PCYOX1: variants seen among roughly 807,000 people sequenced by gnomAD.
The protein encoded by PCYOX1 is prenylcysteine oxidase 1.
In PCYOX1, 46 loss-of-function variants were observed where a neutral mutation model predicts 46.4. That is an observed-to-expected ratio of 0.99 (90% CI 0.78 to 1.27). PCYOX1 has a LOEUF of 1.27. Ranked by LOEUF, PCYOX1 falls within the 50% of genes most tolerant of loss-of-function variation. The probability of loss-of-function intolerance (pLI) is 0.00; values close to 1 mark genes in which losing one functional copy is unlikely to be tolerated. For synonymous variants in PCYOX1, 220 were observed against 231.8 expected (o/e 0.95, Z 0.46); for missense variants, 658 against 628.3 (o/e 1.05, Z -0.51).
Position 70,276,752 on chromosome 2 carries a change from A to G in PCYOX1, c.878A>G (p.Tyr293Cys), listed in dbSNP as rs759880515. The change falls in exon 6 of 6, where the codon TAT becomes TGT. Residue 293 changes from tyrosine to cysteine, a missense_variant. Tyr to Cys is a radical substitution (Grantham distance 194). Coordinates refer to ENST00000433351, the MANE Select transcript of PCYOX1 (RefSeq NM_016297.4). Reference sequence around the variant, plus strand: ...CCTCTAGGAAATCCAACAAAGATGTATGAAGTGGTCTACCAAATTGGAACT... The same window carrying G: ...CCTCTAGGAAATCCAACAAAGATGTGTGAAGTGGTCTACCAAATTGGAACT... The part of the protein sequence containing the change: ...TKYTGNPTKM[Y>C]EVVYQIGTET... 1 of 1,595,478 alleles carries G rather than the reference A, an allele frequency of 6.3e-7. No homozygotes were observed. The highest frequency in any genetic ancestry group is 2.2e-5 in the East Asian group (1 of 44,744).
rs1018539127 is a variant in PCYOX1 at position 70,271,725 on chromosome 2, A to G, written c.495-3234A>G. On this transcript the variant is annotated intron_variant, in intron 3 of 5. Coordinates refer to ENST00000433351, the MANE Select transcript of PCYOX1 (RefSeq NM_016297.4). ...TCCAATGTTTGTAATGTTTACTTCA[A>G]GTGAATCTAAAAAATTTCTAAATTT... is the stretch of plus-strand genomic sequence containing the variant. Among the ~76,000 whole-genome samples the G allele has an allele frequency of 2.6e-5, 4 of 152,278 alleles. No individual in the cohort carries two copies. In the South Asian group the frequency reaches 8.3e-4, roughly 32 times the overall value.
chr2:70,267,696 G>C (rs1171514590), intron 3 of PCYOX1, among the ~76,000 whole-genome samples: 1 of 152,072 alleles, frequency 6.6e-6, no homozygotes, highest in Admixed American at 6.5e-5. Context: ...GGCTGAAGCA[G>C]GAGAATCAGG....
chr2:70,277,521 G>T lies in PCYOX1; in HGVS notation c.*129G>T, dbSNP rs1573985150. On this transcript the variant is annotated 3_prime_UTR_variant, in exon 6 of 6. Coordinates refer to ENST00000433351, the MANE Select transcript of PCYOX1 (RefSeq NM_016297.4). The stretch of plus-strand genomic sequence containing the variant: ...TCATTGTTTAATAAAAGTAATCCCT[G>T]CTGGTCATAGGAAAACACACGGTTC... The T allele has an allele frequency of 1.6e-5, 12 of 732,924 alleles. No individual in the cohort carries two copies. The East Asian group carries it at 3.1e-4, about 19-fold the overall frequency. 45.4% of individuals were successfully genotyped at this position (732,924 alleles called of 1,614,324 possible). A position where few individuals can be genotyped will look rare whatever the true frequency, so the allele number is the denominator to read the frequency against.
chr2:70,279,186 C>T lies in PCYOX1; in HGVS notation c.*1794C>T, dbSNP rs1373398567. On this transcript the variant is annotated 3_prime_UTR_variant, in exon 6 of 6. Transcript: ENST00000433351. ...TAGCAAAATAGTGTAAACTTTGGTT[C>T]TGAGTAAAAATGACTTCTTCCCTAC... is the stretch of plus-strand genomic sequence containing the variant. 2.4e-5 allele frequency: 3 copies of T among 124,496 alleles called. No homozygotes were observed. Among genetic ancestry groups the T allele is most frequent in the Non-Finnish European group, 6.0e-5 (3 of 49,920 alleles). 7.7% of individuals were successfully genotyped at this position (124,496 alleles called of 1,614,324 possible). A position where few individuals can be genotyped will look rare whatever the true frequency, so the allele number is the denominator to read the frequency against.
At position 70,277,710 on chromosome 2, in the gene PCYOX1, C is replaced by A. The variant is rs1696707104; in HGVS notation, c.*318C>A. The A allele has an allele frequency of 4.7e-6, 1 of 214,292 alleles. No individual in the cohort carries two copies. Among genetic ancestry groups the A allele is most frequent in the Non-Finnish European group, 9.2e-6 (1 of 108,416 alleles). 13.3% of individuals were successfully genotyped at this position (214,292 alleles called of 1,614,324 possible). On this transcript the variant is annotated 3_prime_UTR_variant, in exon 6 of 6. Coordinates refer to ENST00000433351, the MANE Select transcript of PCYOX1 (RefSeq NM_016297.4). ...GTGAGCCAATCTCACCATTGCACTT[C>A]AGCCTGAGCAACACGAGCAAAACTC... is the stretch of plus-strand genomic sequence containing the variant.
At chr2:70,262,328 G>A (rs1175522352) in intron 3 of PCYOX1, among the ~76,000 whole-genome samples, 1 of 151,604 alleles carries the variant, frequency 6.6e-6, no homozygotes. Context: ...ACCACGCCCA[G>A]CTAATTTTTG....
intron 2 of PCYOX1, among the ~76,000 whole-genome samples, chr2:70,259,866 A>G (rs1376197641): frequency 6.6e-6 from 1 of 151,818 alleles, no homozygotes; most frequent in Non-Finnish European, 1.5e-5. Flanking sequence ...CTCAGGCTGG[A>G]GTGCAATGGT....
intron 3 of PCYOX1, among the ~76,000 whole-genome samples, chr2:70,265,009 C>T (rs557458632): frequency 3.5e-4 from 53 of 152,060 alleles, no homozygotes; most frequent in African/African-American, 1.2e-3. Context: ...AGTAGTAAAC[C>T]ATGACACTCG....
rs750615968 is a variant in PCYOX1, at chr2:70,258,141, C to A, written c.-24C>A. Reference sequence around the variant, plus strand: ...TGGGAGGACTGCGGGGCTCTTGAGGCCAGCTGCAGAGCTTGTGGAGGCCAT... The same window carrying A: ...TGGGAGGACTGCGGGGCTCTTGAGGACAGCTGCAGAGCTTGTGGAGGCCAT... On this transcript the variant is annotated 5_prime_UTR_variant, in exon 1 of 6. Transcript: ENST00000433351. 1 of 1,559,990 alleles carries A rather than the reference C, an allele frequency of 6.4e-7. No homozygotes were observed. Among genetic ancestry groups the A allele is most frequent in the East Asian group, 2.4e-5 (1 of 42,226 alleles).
At chr2:70,274,778 G>A in intron 3 of PCYOX1, 181 bp from the exon 4 acceptor site, 1 of 588,398 alleles carries the variant, frequency 1.7e-6, no homozygotes, top group Non-Finnish European at 3.0e-6. Flanking sequence ...TGGCCAGGCT[G>A]GTCTTGAACT....
Position 70,277,458 on chromosome 2 carries a change from T to C in PCYOX1, c.*66T>C. 1 of 1,242,648 alleles carries C rather than the reference T, an allele frequency of 8.0e-7. No individual in the cohort carries two copies. The highest frequency in any genetic ancestry group is 1.4e-5 in the South Asian group (1 of 69,894). The allele number at this position is 1,242,648 out of a possible 1,614,324, so 77.0% of individuals were successfully genotyped here. ...ATCAGTGGCAAAAAAGAACAAAATCTGAGCAGAGATGATTTTGAACCAGAT... is the reference window on the plus strand; with the variant it reads ...ATCAGTGGCAAAAAAGAACAAAATCCGAGCAGAGATGATTTTGAACCAGAT... On this transcript the variant is annotated 3_prime_UTR_variant, in exon 6 of 6. Transcript: ENST00000433351.
Position 70,259,372 on chromosome 2 carries a change from C to G in PCYOX1, c.125C>G (p.Ala42Gly). 1.2e-6 allele frequency: 2 copies of G among 1,613,568 alleles called. No individual in the cohort carries two copies. Among genetic ancestry groups the G allele is most frequent in the Non-Finnish European group, 1.7e-6 (2 of 1,179,612 alleles). The change falls in exon 2 of 6, where the codon GCC becomes GGC. Residue 42 changes from alanine to glycine, a missense_variant. Ala to Gly is a moderately conservative substitution (Grantham distance 60). Coordinates refer to ENST00000433351, the MANE Select transcript of PCYOX1 (RefSeq NM_016297.4). ...APPDKIAIIG[A>G]GIGGTSAAYY... ...TTTTCCCTCATAGCGATTATTGGAG[C>G]CGGAATTGGTGGCACTTCAGCAGCC...
chr2:70,277,317 C>T lies in PCYOX1; in HGVS notation c.1443C>T (p.Ala481=). The change falls in exon 6 of 6, where the codon GCC becomes GCT. Residue 481 remains alanine (A), a synonymous_variant. Transcript: ENST00000433351. ...CAGCCCACAACGCTGCACTCCTTGC[C>T]TATCACCGCTGGAACGGGCACACAG... ...AIAAHNAALL[A]YHRWNGHTDM... is the part of the protein sequence containing the mutation. 1 of 1,614,076 alleles carries T rather than the reference C, an allele frequency of 6.2e-7. No individual in the cohort carries two copies. The highest frequency in any genetic ancestry group is 1.1e-5 in the South Asian group (1 of 91,082).
At position 70,274,939 on chromosome 2, in the gene PCYOX1, A is replaced by G; in HGVS notation, c.495-20A>G. On this transcript the variant is annotated intron_variant, in intron 3 of 5. Coordinates refer to ENST00000433351, the MANE Select transcript of PCYOX1 (RefSeq NM_016297.4). Reference sequence around the variant, plus strand: ...CCACATCTTGTTTGGTATTTAATGGATTTCTCTTCTTTTCCAAAGGATCTA... The same window carrying G: ...CCACATCTTGTTTGGTATTTAATGGGTTTCTCTTCTTTTCCAAAGGATCTA... 1 of 1,457,176 alleles carries G rather than the reference A, an allele frequency of 6.9e-7. No individual in the cohort carries two copies. The highest frequency in any genetic ancestry group is 1.7e-5 in the Admixed American group (1 of 59,762). The allele number at this position is 1,457,176 out of a possible 1,614,324, so 90.3% of individuals were successfully genotyped here.
chr2:70,275,764 AT>A, intron 5 of PCYOX1, 98 bp downstream of exon 5: 1 of 1,154,194 alleles, frequency 8.7e-7, no homozygotes, highest in African/African-American at 1.5e-5. Flanking sequence ...CAGTTCTAAA[AT>A]GATGAAACTT....
At chr2:70,272,846 C>T (rs1014419263) in intron 3 of PCYOX1, among the ~76,000 whole-genome samples, 2 of 151,908 alleles carry the variant, frequency 1.3e-5, no homozygotes, top group East Asian at 1.9e-4. Flanking sequence ...TACAGGCATG[C>T]ACCACCACAC....
intron 3 of PCYOX1, among the ~76,000 whole-genome samples, chr2:70,265,991 C>T (rs980080351): frequency 6.6e-6 from 1 of 152,138 alleles, no homozygotes. Context: ...ATTACTGCTA[C>T]CACTTTGTTC....
At chr2:70,259,183 A>G (rs1303006082) in intron 1 of PCYOX1, among the ~76,000 whole-genome samples, 177 bp from the exon 2 acceptor site, 2 of 152,182 alleles carry the variant, frequency 1.3e-5, no homozygotes, top group Non-Finnish European at 2.9e-5. Context: ...GTCTGGGAAC[A>G]GTGTCTGTCC....
chr2:70,277,195 C>G lies in PCYOX1; in HGVS notation c.1321C>G (p.Pro441Ala), dbSNP rs577041771. 4 of 1,614,010 alleles carry G rather than the reference C, an allele frequency of 2.5e-6. No individual in the cohort carries two copies. The highest frequency in any genetic ancestry group is 3.4e-6 in the Non-Finnish European group (4 of 1,179,914). Residue 441 changes from proline (P) to alanine (A), a missense_variant, in exon 6 of 6, where the codon CCC becomes GCC. Transcript: ENST00000433351. ...KPWLAYPHYK[P>A]PEKCPSIILH... is the part of the protein sequence containing the mutation. ...ATGGCTTGCATATCCTCACTATAAGCCCCCGGAGAAATGCCCCTCTATCAT... is the reference window on the plus strand; with the variant it reads ...ATGGCTTGCATATCCTCACTATAAGGCCCCGGAGAAATGCCCCTCTATCAT...
Sources: gnomAD v4.1 joint callset for allele counts (sites outside exome capture counted in the v4.1 genomes callset) on GRCh38, gnomAD v4.1.1 for gene constraint, MANE v1.5 for transcripts, NCBI Gene and HGNC (gene_info 2026-07-23, HGNC 2026-07-21) for gene names.